The following ADAMTSL1 variants were observed in gnomAD, a reference collection of about 807,000 sequenced individuals.
ADAMTSL1 encodes the protein ADAMTS like 1, also known as ADAMTS-like protein 1.
In ADAMTSL1, 126 loss-of-function variants were observed where a neutral mutation model predicts 201.8. That is an observed-to-expected ratio of 0.62 (90% CI 0.54 to 0.72). The LOEUF (loss-of-function observed/expected upper bound fraction) is 0.72. Among genes scored for constraint, ADAMTSL1 ranks in the 30% least tolerant of loss-of-function variants. ADAMTSL1 has a pLI of 0.00. For synonymous variants in ADAMTSL1, 1,121 were observed against 903.4 expected (o/e 1.24, Z -4.32); for missense variants, 2,679 against 2,277.8 (o/e 1.18, Z -3.59).
At chr9:18,748,122 C>A (rs1377210740) in intron 15 of ADAMTSL1, among the ~76,000 whole-genome samples, 1 of 152,102 alleles carries the variant, frequency 6.6e-6, no homozygotes, top group Non-Finnish European at 1.5e-5. Context: ...CAGGTTTTGA[C>A]AAAGGGGACA....
At chr9:18,359,664 C>A (rs970849655) in intron 2 of ADAMTSL1, among the ~76,000 whole-genome samples, 1 of 152,132 alleles carries the variant, frequency 6.6e-6, no homozygotes, top group African/African-American at 2.4e-5. Flanking sequence ...GTTTTCAGAT[C>A]TTTTTCCATC....
At chr9:17,961,430 T>C (rs1373225328) in intron 1 of ADAMTSL1, among the ~76,000 whole-genome samples, 1 of 152,008 alleles carries the variant, frequency 6.6e-6, no homozygotes, top group Admixed American at 6.6e-5. Context: ...GTATATTTTT[T>C]AGTAGAGATG....
Position 18,889,548 on chromosome 9 carries a change from T to TGG in ADAMTSL1, c.4463-19_4463-18insGG. ...AATTATGCTATATTCTTTTCTACAC[T>TGG]GCTCCTCCTCCCATGACAGATTACT... On this transcript the variant is annotated intron_variant, in intron 24 of 28. Coordinates refer to ENST00000380548, the MANE Select transcript of ADAMTSL1 (RefSeq NM_001040272.6). 1.9e-6 allele frequency: 3 copies of TGG among 1,612,588 alleles called. No individual in the cohort carries two copies. The highest frequency in any genetic ancestry group is 1.7e-6 in the Non-Finnish European group (2 of 1,179,196).
intron 15 of ADAMTSL1, among the ~76,000 whole-genome samples, chr9:18,735,966 C>T (rs1818481691): frequency 1.3e-5 from 2 of 151,510 alleles, no homozygotes; most frequent in African/African-American, 4.9e-5. Flanking sequence ...TTTCCTGCCT[C>T]AACTTCCACC....
At chr9:18,165,420 G>T (rs1315490227) in intron 2 of ADAMTSL1, among the ~76,000 whole-genome samples, 1 of 151,800 alleles carries the variant, frequency 6.6e-6, no homozygotes, top group Admixed American at 6.6e-5. Flanking sequence ...ACCAATTTTT[G>T]TCACTTGGTA....
At chr9:18,227,089 T>A (rs1830456515) in intron 2 of ADAMTSL1, among the ~76,000 whole-genome samples, 1 of 152,164 alleles carries the variant, frequency 6.6e-6, no homozygotes, top group African/African-American at 2.4e-5. Context: ...ACCTGGAAGG[T>A]ATAGCCAGAG....
chr9:17,958,533 G>A (rs1052926024), intron 1 of ADAMTSL1, among the ~76,000 whole-genome samples: 1 of 152,158 alleles, frequency 6.6e-6, no homozygotes, highest in African/African-American at 2.4e-5. Flanking sequence ...ATCCCTAGAT[G>A]AGGAACAGCT....
intron 2 of ADAMTSL1, among the ~76,000 whole-genome samples, chr9:18,462,462 T>C (rs929811285): frequency 5.3e-5 from 8 of 152,174 alleles, no homozygotes; most frequent in South Asian, 4.1e-4. Flanking sequence ...ACATTAAATA[T>C]ATAACACAAA....
chr9:18,686,659 T>C (rs1050560855), intron 13 of ADAMTSL1, among the ~76,000 whole-genome samples: 13 of 152,236 alleles, frequency 8.5e-5, no homozygotes, highest in Non-Finnish European at 1.5e-4. Context: ...CTGTATTTTG[T>C]CACTTGGACT....
At chr9:18,608,023 A>G (rs550242884) in intron 4 of ADAMTSL1, among the ~76,000 whole-genome samples, 156 of 152,206 alleles carry the variant, frequency 1.0e-3, no homozygotes, top group Non-Finnish European at 1.9e-3. Context: ...TTTTTTATAC[A>G]TAATACATGC....
chr9:18,140,667 G>A (rs1404117110), intron 1 of ADAMTSL1, among the ~76,000 whole-genome samples: 4 of 152,180 alleles, frequency 2.6e-5, no homozygotes, highest in African/African-American at 9.7e-5. Flanking sequence ...GAGGCAGTGA[G>A]CCATTCATCA....
At chr9:18,865,502 T>G (rs2131436322) in intron 23 of ADAMTSL1, among the ~76,000 whole-genome samples, 1 of 152,318 alleles carries the variant, frequency 6.6e-6, no homozygotes, top group South Asian at 2.1e-4. Context: ...AATAAACATA[T>G]GTCAATCACA....
At chr9:18,654,802 T>A (rs1257047190) in intron 7 of ADAMTSL1, among the ~76,000 whole-genome samples, 1 of 152,216 alleles carries the variant, frequency 6.6e-6, no homozygotes, top group East Asian at 1.9e-4. Context: ...TCCATGTTAT[T>A]CTCTCCCTAG....
chr9:18,389,197 T>C (rs937707855), intron 2 of ADAMTSL1, among the ~76,000 whole-genome samples: 3 of 151,380 alleles, frequency 2.0e-5, no homozygotes, highest in African/African-American at 7.3e-5. Context: ...TTTTTTTTTT[T>C]AAGAAATTGA....
At position 18,359,484 on chromosome 9, in the gene ADAMTSL1, C is replaced by T. The variant is rs181635446; in HGVS notation, c.208-145345C>T. On this transcript the variant is annotated intron_variant, in intron 2 of 29. Coordinates refer to the ADAMTSL1 transcript ENST00000680146. ...AACAAAGTGAGGACAATGTTTGACC[C>T]AAAAGATGGTTACTAATGGTGGTTT... 2.0e-5 allele frequency among the ~76,000 whole-genome samples: 3 copies of T among 152,230 alleles called. No individual in the cohort carries two copies. In the East Asian group the frequency reaches 5.8e-4, roughly 29 times the overall value.
At chr9:18,397,065 A>G (rs1447076926) in intron 2 of ADAMTSL1, among the ~76,000 whole-genome samples, 1 of 145,718 alleles carries the variant, frequency 6.9e-6, no homozygotes. Context: ...CCTGGGATCT[A>G]CTATTTTTTA....
chr9:18,854,994 C>G (rs1039329107), intron 23 of ADAMTSL1, among the ~76,000 whole-genome samples: 1 of 152,138 alleles, frequency 6.6e-6, no homozygotes, highest in Middle Eastern at 3.2e-3. Context: ...AATAGTCATG[C>G]CACTGATGCC....
chr9:18,814,139 T>C (rs550182854), intron 20 of ADAMTSL1, among the ~76,000 whole-genome samples: 2 of 152,248 alleles, frequency 1.3e-5, no homozygotes, highest in East Asian at 3.8e-4. Context: ...AGATTAGTGA[T>C]GTTGAGCATA....
intron 2 of ADAMTSL1, among the ~76,000 whole-genome samples, chr9:18,467,593 A>C: frequency 6.6e-6 from 1 of 152,242 alleles, no homozygotes; most frequent in East Asian, 1.9e-4. Flanking sequence ...AAAAAATTGC[A>C]GTTAGCAGAA....
Sources: allele counts gnomAD v4.1 joint callset (sites outside exome capture counted in the v4.1 genomes callset), GRCh38; gene constraint gnomAD v4.1.1; transcripts MANE v1.5; gene names NCBI Gene and HGNC (gene_info 2026-07-23, HGNC 2026-07-21).